Variants in CNTNAP5 observed in about 807,000 individuals in gnomAD.
CNTNAP5 encodes contactin associated protein family member 5.
Under a neutral mutation model 150.2 loss-of-function variants are expected in CNTNAP5, and 72 were observed. That is an observed-to-expected ratio of 0.48 (90% confidence interval 0.40 to 0.58). CNTNAP5 has a LOEUF of 0.58. Among genes scored for constraint, CNTNAP5 ranks in the 20% least tolerant of loss-of-function variants. CNTNAP5 has a pLI of 0.00. For missense variants in CNTNAP5, 1,636 were observed against 1,626.2 expected, an observed-to-expected ratio of 1.01 and a Z score of -0.10; for synonymous variants, 672 against 619.8, an observed-to-expected ratio of 1.08 and a Z score of -1.25.
chr2:124,884,676 G>A (rs983742907), intron 21 of CNTNAP5, among the ~76,000 whole-genome samples: 1 of 151,994 alleles, frequency 6.6e-6, no homozygotes, highest in Non-Finnish European at 1.5e-5. Flanking sequence ...GAGAGAAAGA[G>A]GTTCTGAAAG....
chr2:124,307,835 C>G (rs745872256), intron 3 of CNTNAP5, among the ~76,000 whole-genome samples: 1 of 152,198 alleles, frequency 6.6e-6, no homozygotes. Context: ...CACTGGCCCT[C>G]CATAGCTTTA....
At chr2:124,510,282 T>TATATATATATCTATATATCTATATATATA (rs1694533945) in intron 8 of CNTNAP5, among the ~76,000 whole-genome samples, 1 of 10,898 alleles carries the variant, frequency 9.2e-5, no homozygotes. Flanking sequence ...TCTATATCTA[T>TATATATATATCTATATATCTATATATATA]ATCTATATAT....
chr2:124,617,860 C>G (rs1204963088), intron 12 of CNTNAP5, among the ~76,000 whole-genome samples: 1 of 152,070 alleles, frequency 6.6e-6, no homozygotes, highest in Non-Finnish European at 1.5e-5. Flanking sequence ...GCCTGGTGTG[C>G]AGTGGGAAGG....
intron 19 of CNTNAP5, among the ~76,000 whole-genome samples, chr2:124,853,572 AC>A (rs1291793767): frequency 6.6e-6 from 1 of 152,156 alleles, no homozygotes; most frequent in Admixed American, 6.6e-5. Context: ...ATAGTATATC[AC>A]TTTTTGTTTT....
At chr2:124,100,626 G>A (rs1051964821) in intron 1 of CNTNAP5, among the ~76,000 whole-genome samples, 6 of 152,126 alleles carry the variant, frequency 3.9e-5, no homozygotes, top group African/African-American at 9.6e-5. Flanking sequence ...CGAACTTTGG[G>A]AGGTTGAGGC....
chr2:124,621,123 T>C (rs371400898), intron 12 of CNTNAP5, among the ~76,000 whole-genome samples: 3 of 152,180 alleles, frequency 2.0e-5, no homozygotes, highest in Non-Finnish European at 4.4e-5. Flanking sequence ...TCAGTTTACA[T>C]TGTGCCTTTT....
intron 13 of CNTNAP5, among the ~76,000 whole-genome samples, chr2:124,727,571 T>G (rs1276026407): frequency 2.0e-5 from 3 of 152,042 alleles, no homozygotes; most frequent in Admixed American, 2.0e-4. Context: ...TTCATTCATT[T>G]TTGTTGCTAT....
intron 3 of CNTNAP5, among the ~76,000 whole-genome samples, chr2:124,381,745 A>T (rs1292921077): frequency 6.6e-6 from 1 of 152,142 alleles, no homozygotes; most frequent in African/African-American, 2.4e-5. Flanking sequence ...AGGGTTAGAC[A>T]TGTGAATATG....
chr2:124,493,832 C>T (rs959702305), intron 7 of CNTNAP5, among the ~76,000 whole-genome samples: 7 of 151,982 alleles, frequency 4.6e-5, no homozygotes, highest in Non-Finnish European at 1.0e-4. Context: ...CTCATATTTT[C>T]AGAGCTAAGA....
chr2:124,310,791 C>A (rs576148314), intron 3 of CNTNAP5, among the ~76,000 whole-genome samples: 210 of 152,208 alleles, frequency 1.4e-3, no homozygotes, highest in African/African-American at 4.9e-3. Context: ...GTAGAAGAAG[C>A]TTCCTTACCT....
chr2:124,434,432 A>T, intron 4 of CNTNAP5, 52 bp from the exon 5 acceptor site: 5 of 1,278,114 alleles, frequency 3.9e-6, no homozygotes, highest in Non-Finnish European at 5.7e-6. Flanking sequence ...CAGTAACAGC[A>T]GTCATGAGAA....
intron 1 of CNTNAP5, among the ~76,000 whole-genome samples, chr2:124,188,442 G>A (rs1381371959): frequency 6.6e-6 from 1 of 152,058 alleles, no homozygotes; most frequent in African/African-American, 2.4e-5. Flanking sequence ...AGAAGGGGCC[G>A]GGCGCAGTGG....
chr2:124,773,314 T>C (rs1184042725), intron 17 of CNTNAP5, among the ~76,000 whole-genome samples: 2 of 152,190 alleles, frequency 1.3e-5, no homozygotes, highest in Non-Finnish European at 1.5e-5. Context: ...CATTGTAATA[T>C]AAATCTACTC....
chr2:124,116,002 A>G (rs747782349), intron 1 of CNTNAP5, among the ~76,000 whole-genome samples: 16 of 152,138 alleles, frequency 1.1e-4, no homozygotes, highest in Non-Finnish European at 2.1e-4. Context: ...CACTCAGTCA[A>G]CGCTCAGTCA....
intron 11 of CNTNAP5, among the ~76,000 whole-genome samples, chr2:124,564,757 C>T (rs1695975894): frequency 6.6e-6 from 1 of 152,210 alleles, no homozygotes; most frequent in African/African-American, 2.4e-5. Flanking sequence ...GTATGCCCAA[C>T]TACGGACTAT....
intron 1 of CNTNAP5, among the ~76,000 whole-genome samples, chr2:124,092,509 A>C (rs1209637017): frequency 6.6e-6 from 1 of 152,148 alleles, no homozygotes; most frequent in Non-Finnish European, 1.5e-5. Context: ...TAATCCTTTC[A>C]ATGTATAGAT....
intron 1 of CNTNAP5, among the ~76,000 whole-genome samples, chr2:124,150,818 T>A (rs188349883): frequency 6.6e-6 from 1 of 152,308 alleles, no homozygotes; most frequent in Non-Finnish European, 1.5e-5. Context: ...GAATTAAGGC[T>A]TCAATATGTG....
intron 3 of CNTNAP5, among the ~76,000 whole-genome samples, chr2:124,404,948 T>G (rs1691531904): frequency 6.6e-6 from 1 of 151,714 alleles, no homozygotes; most frequent in African/African-American, 2.4e-5. Flanking sequence ...GAATGATATT[T>G]GAGAGTAACA....
At chr2:124,663,070 C>T (rs979656557) in intron 13 of CNTNAP5, among the ~76,000 whole-genome samples, 1 of 152,238 alleles carries the variant, frequency 6.6e-6, no homozygotes, top group Non-Finnish European at 1.5e-5. Flanking sequence ...CTTCGAATCC[C>T]GTGAGGTGTA....
Sources: gnomAD v4.1 joint callset for allele counts (sites outside exome capture counted in the v4.1 genomes callset) on GRCh38, gnomAD v4.1.1 for gene constraint, MANE v1.5 for transcripts, NCBI Gene and HGNC (gene_info 2026-07-23, HGNC 2026-07-21) for gene names.